Variants in HELZ observed in about 807,000 individuals in gnomAD.
The protein encoded by HELZ is helicase with zinc finger, also known as ATP-dependent RNA helicase with zinc finger domain.
In HELZ, 23 loss-of-function variants were observed where a neutral mutation model predicts 218.2. The observed-to-expected ratio is 0.11, with a 90% CI of 0.08 to 0.15. HELZ has a LOEUF of 0.15. Ranked by LOEUF, HELZ falls within the 10% of genes least tolerant of loss-of-function variation. The probability of loss-of-function intolerance (pLI) is 1.00; values close to 1 mark genes in which losing one functional copy is unlikely to be tolerated. For missense variants in HELZ, 1,813 were observed against 2,353.7 expected (o/e 0.77, Z 4.75); for synonymous variants, 814 against 829.4 (o/e 0.98, Z 0.32).
At chr17:67,115,580 C>T (rs1349738643) in intron 27 of HELZ, among the ~76,000 whole-genome samples, 1 of 151,960 alleles carries the variant, frequency 6.6e-6, no homozygotes, top group Admixed American at 6.5e-5. Context: ...AGACTTGTTA[C>T]ATACAGAAAA....
At chr17:67,129,730 C>G (rs1005703667) in intron 23 of HELZ, among the ~76,000 whole-genome samples, 2 of 152,068 alleles carry the variant, frequency 1.3e-5, no homozygotes, top group African/African-American at 4.8e-5. Flanking sequence ...ACAGTACATT[C>G]AAAACTTGTT....
In HELZ at chr17:67,109,672, T is replaced by C. The variant is rs779325395; in HGVS notation, c.3933A>G (p.Ser1311=). Residue 1311 remains serine, a synonymous_variant, in exon 29 of 33, where the codon TCA becomes TCG. Transcript: ENST00000358691. ...PTEPKQVDLE[S]NPQNRSPESR... is the part of the protein sequence containing the mutation. ...ATTCAGGACTTCTGTTCTGTGGATT[T>C]GATTCCAAATCAACCTAGAAAAAAA... 6.2e-7 allele frequency: 1 copy of C among 1,603,110 alleles called. No homozygotes were observed. The highest frequency in any genetic ancestry group is 8.5e-7 in the Non-Finnish European group (1 of 1,173,118).
chr17:67,226,862 C>T (rs1044983079), intron 3 of HELZ, among the ~76,000 whole-genome samples: 6 of 152,084 alleles, frequency 3.9e-5, no homozygotes, highest in Non-Finnish European at 7.4e-5. Flanking sequence ...AAACATTATG[C>T]CACATAAAAG....
intron 15 of HELZ, among the ~76,000 whole-genome samples, chr17:67,165,941 G>A (rs1395662497): frequency 5.3e-5 from 8 of 152,142 alleles, no homozygotes; most frequent in Admixed American, 5.2e-4. Flanking sequence ...AGACCAGCAT[G>A]GACAAGACAG....
chr17:67,122,355 C>T (rs562620576), intron 26 of HELZ, among the ~76,000 whole-genome samples: 1 of 152,170 alleles, frequency 6.6e-6, no homozygotes, highest in African/African-American at 2.4e-5. Flanking sequence ...ACCATCCTGG[C>T]TAACATGGTG....
chr17:67,112,502 C>T (rs1403510075), intron 28 of HELZ, among the ~76,000 whole-genome samples: 3 of 152,184 alleles, frequency 2.0e-5, no homozygotes, highest in African/African-American at 7.2e-5. Flanking sequence ...TCACTGCAGC[C>T]CCCACTTATC....
chr17:67,128,209 C>T (rs1598282665), intron 24 of HELZ, among the ~76,000 whole-genome samples: 1 of 152,172 alleles, frequency 6.6e-6, no homozygotes, highest in Admixed American at 6.5e-5. Flanking sequence ...TCAAATACCA[C>T]CTCAAATAAA....
chr17:67,171,630 G>A (rs1050906766), intron 13 of HELZ, among the ~76,000 whole-genome samples: 1 of 152,056 alleles, frequency 6.6e-6, no homozygotes, highest in African/African-American at 2.4e-5. Flanking sequence ...CCCATCAGAG[G>A]ATCTCTGAAA....
chr17:67,211,025 A>T (rs1262317029), intron 5 of HELZ, among the ~76,000 whole-genome samples: 2 of 152,250 alleles, frequency 1.3e-5, no homozygotes, highest in Admixed American at 1.3e-4. Context: ...TCAGACAATG[A>T]AAAGTGACTT....
chr17:67,160,659 C>G (rs2038969092), intron 16 of HELZ, among the ~76,000 whole-genome samples: 1 of 152,118 alleles, frequency 6.6e-6, no homozygotes, highest in Non-Finnish European at 1.5e-5. Flanking sequence ...GTTCTGATGG[C>G]TATTTAAAAA....
At chr17:67,107,816 TC>T in intron 30 of HELZ, 131 bp from the exon 31 acceptor site, 1 of 758,064 alleles carries the variant, frequency 1.3e-6, no homozygotes, top group East Asian at 2.7e-5. Flanking sequence ...CATTAATTCA[TC>T]TCAGATGTAA....
At chr17:67,155,608 G>A (rs543031113) in intron 17 of HELZ, among the ~76,000 whole-genome samples, 9 of 152,168 alleles carry the variant, frequency 5.9e-5, no homozygotes, top group Admixed American at 2.0e-4. Context: ...AGGCCGAGGC[G>A]GGCAGATCAC....
At chr17:67,173,427 T>C (rs1397143115) in intron 13 of HELZ, among the ~76,000 whole-genome samples, 1 of 152,182 alleles carries the variant, frequency 6.6e-6, no homozygotes, top group Admixed American at 6.5e-5. Context: ...CCCTAACCTT[T>C]TAGGGAATGA....
chr17:67,202,220 C>A (rs925606974), intron 6 of HELZ, among the ~76,000 whole-genome samples: 3 of 151,274 alleles, frequency 2.0e-5, no homozygotes, highest in Non-Finnish European at 4.4e-5. Flanking sequence ...TCTTAAGTTA[C>A]GAACTGGTTT....
intron 15 of HELZ, among the ~76,000 whole-genome samples, chr17:67,166,253 T>C (rs546303629): frequency 1.3e-5 from 2 of 152,288 alleles, no homozygotes; most frequent in East Asian, 3.9e-4. Context: ...TCCTATCAAA[T>C]TAAGGCTGTT....
chr17:67,089,596 C>T (rs930462242), intron 31 of HELZ, among the ~76,000 whole-genome samples: 5 of 144,046 alleles, frequency 3.5e-5, no homozygotes, highest in Non-Finnish European at 1.5e-5. Context: ...AAAAGCAAAA[C>T]CGAAACTGGA....
chr17:67,127,286 A>T, intron 24 of HELZ, among the ~76,000 whole-genome samples: 1 of 152,194 alleles, frequency 6.6e-6, no homozygotes, highest in East Asian at 1.9e-4. Flanking sequence ...CTACAATAAC[A>T]TCTGGCACAT....
chr17:67,232,560 C>T (rs2041067011), intron 3 of HELZ, among the ~76,000 whole-genome samples: 1 of 152,356 alleles, frequency 6.6e-6, no homozygotes, highest in Admixed American at 6.5e-5. Context: ...ATTGCGGCAG[C>T]ATAGGAATTC....
chr17:67,074,106 T>C lies in HELZ; in HGVS notation c.*4146A>G, dbSNP rs1350204493. ...AAAGAGTGGAGACAAATCAGATCCA[T>C]TAAGACATTTATACCTTGAGATTCA... On this transcript the variant is annotated 3_prime_UTR_variant, in exon 33 of 33. Transcript: ENST00000358691. The C allele has an allele frequency of 6.6e-6, 1 of 152,142 alleles. No homozygotes were observed. The allele number at this position is 152,142 out of a possible 1,614,324, so 9.4% of individuals were successfully genotyped here.
Sources: allele counts gnomAD v4.1 joint callset (sites outside exome capture counted in the v4.1 genomes callset), GRCh38; gene constraint gnomAD v4.1.1; transcripts MANE v1.5; gene names NCBI Gene and HGNC (gene_info 2026-07-23, HGNC 2026-07-21).